Variants in LINGO2 observed in about 807,000 individuals in gnomAD.
LINGO2 encodes leucine rich repeat and Ig domain containing 2.
A neutral mutation model predicts 30.6 loss-of-function variants in LINGO2; 14 were observed. The ratio of observed to expected loss-of-function variants is 0.46; its 90% CI spans 0.30 to 0.72. The LOEUF is 0.72. Ranked by LOEUF, LINGO2 falls within the 30% of genes least tolerant of loss-of-function variation. The pLI, the probability that LINGO2 is intolerant of heterozygous loss-of-function variation, is 0.07. For missense variants in LINGO2, 729 were observed against 751.7 expected, an observed-to-expected ratio of 0.97 and a Z score of 0.35; for synonymous variants, 317 against 288.5, an observed-to-expected ratio of 1.10 and a Z score of -1.00.
the LINGO2 span, among the ~76,000 whole-genome samples, chr9:29,130,400 T>C: frequency 6.6e-6 from 1 of 152,088 alleles, no homozygotes; most frequent in African/African-American, 2.4e-5. Flanking sequence ...CAGAATCAAA[T>C]ACTATTTACA....
chr9:28,104,355 T>C (rs1049468140), intron 4 of LINGO2, among the ~76,000 whole-genome samples: 4 of 145,550 alleles, frequency 2.7e-5, no homozygotes, highest in African/African-American at 1.0e-4. Flanking sequence ...TTATTACCTA[T>C]CTTAGTTTAA....
intron 1 of LINGO2, among the ~76,000 whole-genome samples, chr9:28,494,374 C>T (rs867408480): frequency 2.0e-5 from 3 of 152,074 alleles, no homozygotes; most frequent in Non-Finnish European, 4.4e-5. Flanking sequence ...TCCTTCCCCC[C>T]ACCCCACTAC....
At chr9:28,218,645 T>C (rs951214843) in intron 4 of LINGO2, among the ~76,000 whole-genome samples, 1 of 152,132 alleles carries the variant, frequency 6.6e-6, no homozygotes, top group Admixed American at 6.5e-5. Context: ...GATATTCTAA[T>C]GTTTAACTAT....
At chr9:28,535,717 C>G (rs1000872347) in intron 1 of LINGO2, among the ~76,000 whole-genome samples, 2 of 142,716 alleles carry the variant, frequency 1.4e-5, no homozygotes, top group Non-Finnish European at 3.1e-5. Context: ...CACACACACA[C>G]GTGTGGACGC....
the LINGO2 span, among the ~76,000 whole-genome samples, chr9:28,988,396 C>G: frequency 6.6e-6 from 1 of 152,098 alleles, no homozygotes; most frequent in Non-Finnish European, 1.5e-5. Context: ...TTTTCAACTT[C>G]TTTGCTTTCA....
At chr9:28,847,296 AT>A in the LINGO2 span, among the ~76,000 whole-genome samples, 6 of 146,312 alleles carry the variant, frequency 4.1e-5, no homozygotes, top group East Asian at 1.2e-3. Flanking sequence ...CAATTTAAGA[AT>A]AAAAACCTGA....
At chr9:29,204,617 T>C in the LINGO2 span, among the ~76,000 whole-genome samples, 1 of 152,246 alleles carries the variant, frequency 6.6e-6, no homozygotes, top group African/African-American at 2.4e-5. Context: ...TTTCTCATGA[T>C]GGTATTTAAA....
chr9:28,257,114 A>G (rs1014354847), intron 4 of LINGO2, among the ~76,000 whole-genome samples: 4 of 151,764 alleles, frequency 2.6e-5, no homozygotes, highest in African/African-American at 9.7e-5. Flanking sequence ...TCTGACATAA[A>G]TGCTATAATT....
intron 4 of LINGO2, among the ~76,000 whole-genome samples, chr9:28,277,762 G>C (rs1456334054): frequency 1.3e-5 from 2 of 150,462 alleles, no homozygotes; most frequent in African/African-American, 4.9e-5. Context: ...TTTGTAGTTA[G>C]CCTAGATGGT....
chr9:28,959,593 C>T, the LINGO2 span, among the ~76,000 whole-genome samples: 47 of 43,224 alleles, frequency 1.1e-3, no homozygotes, highest in East Asian at 3.1e-3. Flanking sequence ...TTTTATCTCT[C>T]TCTCTCTCTC....
chr9:28,801,142 C>A, the LINGO2 span, among the ~76,000 whole-genome samples: 2 of 152,002 alleles, frequency 1.3e-5, no homozygotes, highest in African/African-American at 2.4e-5. Flanking sequence ...CAGTTAATGA[C>A]CATGCAAGAA....
At chr9:28,590,510 C>T (rs1446060001) in intron 1 of LINGO2, among the ~76,000 whole-genome samples, 2 of 152,060 alleles carry the variant, frequency 1.3e-5, no homozygotes, top group Non-Finnish European at 2.9e-5. Context: ...TATGAACAGA[C>T]ACTTCTCAGA....
chr9:28,037,500 A>G (rs1179090618), intron 4 of LINGO2, among the ~76,000 whole-genome samples: 1 of 152,140 alleles, frequency 6.6e-6, no homozygotes, highest in East Asian at 1.9e-4. Context: ...AGAGCTCCTC[A>G]ACAGTCTTAA....
chr9:28,594,594 T>G (rs956370849), intron 1 of LINGO2, among the ~76,000 whole-genome samples: 2 of 152,118 alleles, frequency 1.3e-5, no homozygotes, highest in Admixed American at 6.6e-5. Flanking sequence ...AGTGAAGTCT[T>G]GTTTACAATA....
chr9:28,223,360 G>C (rs996537451), intron 4 of LINGO2, among the ~76,000 whole-genome samples: 1 of 152,246 alleles, frequency 6.6e-6, no homozygotes, highest in East Asian at 1.9e-4. Context: ...GAAGGCATAA[G>C]GGCAAGAGAA....
chr9:29,055,167 C>T, the LINGO2 span, among the ~76,000 whole-genome samples: 1 of 151,882 alleles, frequency 6.6e-6, no homozygotes, highest in Non-Finnish European at 1.5e-5. Context: ...TGCAGTGAGC[C>T]GAGATCATGC....
chr9:28,169,244 C>T (rs974819291), intron 4 of LINGO2, among the ~76,000 whole-genome samples: 1 of 152,166 alleles, frequency 6.6e-6, no homozygotes, highest in Non-Finnish European at 1.5e-5. Context: ...AACACATGAT[C>T]AAACTCAAAC....
chr9:29,034,612 T>C, the LINGO2 span, among the ~76,000 whole-genome samples: 5 of 152,160 alleles, frequency 3.3e-5, no homozygotes, highest in Non-Finnish European at 7.4e-5. Context: ...TTTCACCATT[T>C]CTCTGATCAA....
At chr9:28,217,169 C>T (rs987936924) in intron 4 of LINGO2, among the ~76,000 whole-genome samples, 2 of 150,416 alleles carry the variant, frequency 1.3e-5, no homozygotes, top group Admixed American at 6.6e-5. Context: ...TGTATATATA[C>T]TATATGTGAA....
Sources: allele counts gnomAD v4.1 joint callset (sites outside exome capture counted in the v4.1 genomes callset), GRCh38; gene constraint gnomAD v4.1.1; transcripts MANE v1.5; gene names NCBI Gene and HGNC (gene_info 2026-07-23, HGNC 2026-07-21).